The following ZNF335 variants were observed in gnomAD, a reference collection of about 807,000 sequenced individuals.
ZNF335 encodes the protein zinc finger protein 335.
ZNF335 carries 84 observed loss-of-function variants against 145.6 expected under a neutral mutation model. The ratio of observed to expected loss-of-function variants is 0.58; its 90% CI spans 0.48 to 0.69. The LOEUF (loss-of-function observed/expected upper bound fraction) is 0.69. Among genes scored for constraint, ZNF335 ranks in the 30% least tolerant of loss-of-function variants. The probability of loss-of-function intolerance (pLI) is 0.00; values close to 1 mark genes in which losing one functional copy is unlikely to be tolerated. For synonymous variants in ZNF335, 761 were observed against 717.0 expected, an observed-to-expected ratio of 1.06 and a Z score of -0.98; for missense variants, 1,865 against 1,809.7, an observed-to-expected ratio of 1.03 and a Z score of -0.55.
Position 45,949,893 on chromosome 20 carries a change from C to T in ZNF335, c.3592-16G>A. Reference sequence around the variant, plus strand: ...CGGCTTCCTCCTGCCAGGACCAAGACAGCTCTAGCCTCATTTCTCTACCCC... The same window carrying T: ...CGGCTTCCTCCTGCCAGGACCAAGATAGCTCTAGCCTCATTTCTCTACCCC... On this transcript the variant is annotated splice_polypyrimidine_tract_variant and intron_variant, in intron 23 of 27. Transcript: ENST00000322927. The T allele has an allele frequency of 6.2e-7, 1 of 1,614,156 alleles. No homozygotes were observed. Among genetic ancestry groups the T allele is most frequent in the Non-Finnish European group, 8.5e-7 (1 of 1,180,010 alleles).
chr20:45,949,825 T>C lies in ZNF335; in HGVS notation c.3644A>G (p.Gln1215Arg), dbSNP rs1256444789. Residue 1215 changes from glutamine (Q) to arginine (R), a missense_variant, in exon 24 of 28, where the codon CAG (glutamine) becomes CGG (arginine). Coordinates refer to ENST00000322927, the MANE Select transcript of ZNF335 (RefSeq NM_022095.4). ...EITTADGQTV[Q>R]HLVTSDNQVQ... ...CTGGTTGTCGGAGGTCACCAGGTGC[T>C]GTACGGTCTGGCCATCTGCCGTGGT... 6 of 1,614,012 alleles carry C rather than the reference T, an allele frequency of 3.7e-6. No individual in the cohort carries two copies. Among genetic ancestry groups the C allele is most frequent in the Non-Finnish European group, 5.1e-6 (6 of 1,180,012 alleles).
intron 21 of ZNF335, 40 bp from the exon 22 acceptor site, chr20:45,950,413 A>C (rs768839608): frequency 1.2e-5 from 19 of 1,613,206 alleles, no homozygotes; most frequent in Non-Finnish European, 1.5e-5. Context: ...GCTCCACCAT[A>C]CATGCCCAGC....
In ZNF335 at chr20:45,959,308, G is replaced by A; in HGVS notation, c.2146C>T (p.Pro716Ser). 1.9e-6 allele frequency: 3 copies of A among 1,569,654 alleles called. No individual in the cohort carries two copies. Among genetic ancestry groups the A allele is most frequent in the East Asian group, 2.4e-5 (1 of 42,088 alleles). Residue 716 changes from proline to serine, a missense_variant, in exon 15 of 28, where the codon CCC becomes TCC. Transcript: ENST00000322927. ...AAGAAGGGGCGACGGCGGGAGGGGG[G>A]CTCCTCAGGGTGGCGCCTCCCCCAT... ...EEWGRRHPEE[P>S]PSRRRPFFSL...
intron 10 of ZNF335, among the ~76,000 whole-genome samples, 174 bp from the exon 11 acceptor site, chr20:45,961,056 T>C (rs1201202055): frequency 1.3e-5 from 2 of 152,228 alleles, no homozygotes; most frequent in Non-Finnish European, 2.9e-5. Flanking sequence ...AGGGGCACGC[T>C]GTAAATAACA....
Position 45,969,695 on chromosome 20 carries a change from A to G in ZNF335, c.202-4T>C. ...AGCTGCTCTCAGATACCTCCTCCTGAGGGGCATGAAACAGGGAGGGAAAAA... is the reference window on the plus strand; with the variant it reads ...AGCTGCTCTCAGATACCTCCTCCTGGGGGGCATGAAACAGGGAGGGAAAAA... On this transcript the variant is annotated splice_region_variant and splice_polypyrimidine_tract_variant and intron_variant, in intron 2 of 27. Coordinates refer to ENST00000322927, the MANE Select transcript of ZNF335 (RefSeq NM_022095.4). 6.2e-7 allele frequency: 1 copy of G among 1,610,342 alleles called. No individual in the cohort carries two copies. Among genetic ancestry groups the G allele is most frequent in the Middle Eastern group, 1.7e-4 (1 of 6,052 alleles).
At chr20:45,962,787 G>A (rs1407548901) in intron 9 of ZNF335, among the ~76,000 whole-genome samples, 1 of 150,150 alleles carries the variant, frequency 6.7e-6, no homozygotes, top group Non-Finnish European at 1.5e-5. Context: ...TTGTGTTAAG[G>A]AGAAAAAGGA....
intron 14 of ZNF335, among the ~76,000 whole-genome samples, chr20:45,959,694 ACT>A (rs780009429): frequency 6.6e-6 from 1 of 151,880 alleles, no homozygotes; most frequent in Non-Finnish European, 1.5e-5. Context: ...TCATCACAGG[ACT>A]CTGGCTAAGG....
chr20:45,950,704 A>G, intron 20 of ZNF335, 109 bp from the exon 21 acceptor site: 3 of 1,493,966 alleles, frequency 2.0e-6, no homozygotes, highest in Non-Finnish European at 2.7e-6. Flanking sequence ...TGGACCTGGG[A>G]AAACCAAAAT....
Position 45,953,745 on chromosome 20 carries a change from A to C in ZNF335, c.2646T>G (p.Ser882Arg), listed in dbSNP as rs2083675393. ...CCTCCATAGGGGGTGCTGTGATGAC[A>C]CTGTAGCCAGTCCCACCAAATGGAC... ...APGPFGGTGY[S>R]VITAPPMEEG... Residue 882 changes from serine (S) to arginine (R), a missense_variant, in exon 18 of 28, where the codon AGT (serine) becomes AGG (arginine). Physicochemically the swap from Ser to Arg is moderately radical, Grantham distance 110. Coordinates refer to ENST00000322927, the MANE Select transcript of ZNF335 (RefSeq NM_022095.4). 6.2e-7 allele frequency: 1 copy of C among 1,613,896 alleles called. No homozygotes were observed. The highest frequency in any genetic ancestry group is 1.3e-5 in the African/African-American group (1 of 74,902).
chr20:45,948,807 A>G lies in ZNF335; in HGVS notation c.*146T>C, dbSNP rs1482337950. ...GCCCATGGCTGCCCCTAACCCCAAC[A>G]GCACAGGTCTGGCTCCCTGGGAATG... On this transcript the variant is annotated 3_prime_UTR_variant, in exon 28 of 28. Transcript: ENST00000322927. The G allele has an allele frequency of 7.4e-7, 1 of 1,345,148 alleles. No individual in the cohort carries two copies. Among genetic ancestry groups the G allele is most frequent in the Non-Finnish European group, 1.0e-6 (1 of 972,722 alleles). The allele number at this position is 1,345,148 out of a possible 1,614,324, so 83.3% of individuals were successfully genotyped here.
chr20:45,971,249 A>C lies in ZNF335; in HGVS notation c.162T>G (p.Ser54=), dbSNP rs1016474350. ...CGCGGTCCGAGCTTTGCCCCACGCC[A>C]GAGTCATCGGCCTCTGCCTGCCCCG... ...AAPGQAEADD[S]GVGQSSDRGS... is the part of the protein sequence containing the mutation. The change falls in exon 2 of 28, where the codon TCT becomes TCG. Residue 54 remains serine (S), a synonymous_variant. Coordinates refer to ENST00000322927, the MANE Select transcript of ZNF335 (RefSeq NM_022095.4). 1.9e-6 allele frequency: 3 copies of C among 1,556,954 alleles called. No individual in the cohort carries two copies. Among genetic ancestry groups the C allele is most frequent in the Non-Finnish European group, 2.6e-6 (3 of 1,155,544 alleles).
rs757109732 is a variant in ZNF335 at position 45,950,466 on chromosome 20, G to T, written c.3319C>A (p.Leu1107Ile). ...ATCTGGCCTCACCGCTGCCCGCAGAGGTGGCATGCAAAAGGCTTCTCCTTT... is the reference window on the plus strand; with the variant it reads ...ATCTGGCCTCACCGCTGCCCGCAGATGTGGCATGCAAAAGGCTTCTCCTTT... ...HTKEKPFACH[L>I]CGQRFNRNGH... The change falls in exon 21 of 28, where the codon CTC becomes ATC. Residue 1107 changes from leucine to isoleucine, a missense_variant. Leu to Ile is a conservative substitution (Grantham distance 5). Coordinates refer to ENST00000322927, the MANE Select transcript of ZNF335 (RefSeq NM_022095.4). 2.5e-6 allele frequency: 4 copies of T among 1,614,218 alleles called. No homozygotes were observed. The highest frequency in any genetic ancestry group is 3.4e-6 in the Non-Finnish European group (4 of 1,180,038).
rs753406208 is a variant in ZNF335, at chr20:45,949,950, C to A, written c.3591+16G>T. 2.5e-6 allele frequency: 4 copies of A among 1,614,036 alleles called. No individual in the cohort carries two copies. The highest frequency in any genetic ancestry group is 1.1e-5 in the South Asian group (1 of 91,090). On this transcript the variant is annotated intron_variant, in intron 23 of 27. Coordinates refer to ENST00000322927, the MANE Select transcript of ZNF335 (RefSeq NM_022095.4). ...TGCCTGTCGCTGGCCAGAGGGCCCC[C>A]AGTCCTGACTCTTACCTGATTGGTC... is the stretch of plus-strand genomic sequence containing the variant.
chr20:45,969,087 G>A (rs1241299519), intron 3 of ZNF335, among the ~76,000 whole-genome samples: 1 of 152,186 alleles, frequency 6.6e-6, no homozygotes, highest in Non-Finnish European at 1.5e-5. Context: ...GGTAAGTTAT[G>A]TATGTCCTTG....
In ZNF335 at chr20:45,971,258, G is replaced by C; in HGVS notation, c.153C>G (p.Ala51=). The change falls in exon 2 of 28, where the codon GCC becomes GCG. Residue 51 remains alanine (A), a synonymous_variant. Transcript: ENST00000322927. ...AGCTTTGCCCCACGCCAGAGTCATC[G>C]GCCTCTGCCTGCCCCGGGGCGGCCG... is the stretch of plus-strand genomic sequence containing the variant. The part of the protein sequence containing the change: ...DAAAAPGQAE[A]DDSGVGQSSD... The C allele has an allele frequency of 6.4e-6, 10 of 1,562,062 alleles. No individual in the cohort carries two copies. The highest frequency in any genetic ancestry group is 8.6e-6 in the Non-Finnish European group (10 of 1,158,696).
intron 14 of ZNF335, 45 bp from the exon 15 acceptor site, chr20:45,959,478 C>G (rs149745374): frequency 2.3e-6 from 3 of 1,331,060 alleles, no homozygotes; most frequent in Non-Finnish European, 2.0e-6. Context: ...CCGTCCCTAG[C>G]CTACCCCCTC....
chr20:45,963,300 T>G (rs530433024), intron 9 of ZNF335, among the ~76,000 whole-genome samples, 173 bp downstream of exon 9: 2 of 152,250 alleles, frequency 1.3e-5, no homozygotes, highest in East Asian at 3.9e-4. Context: ...CCGCAAGCTC[T>G]GAGGAGCTGA....
At chr20:45,951,776 T>C (rs894156765) in intron 20 of ZNF335, among the ~76,000 whole-genome samples, 1 of 152,200 alleles carries the variant, frequency 6.6e-6, no homozygotes, top group Non-Finnish European at 1.5e-5. Flanking sequence ...ACCCCTGTTC[T>C]AGACGTTCGA....
rs2083576175 is a variant in ZNF335, at chr20:45,949,023, A to G, written c.3959T>C (p.Val1320Ala). Residue 1320 changes from valine to alanine, a missense_variant, in exon 28 of 28, where the codon GTG (valine) becomes GCG (alanine). By Grantham distance (64) the Val-to-Ala change is moderately conservative. Coordinates refer to ENST00000322927, the MANE Select transcript of ZNF335 (RefSeq NM_022095.4). ...AQGLFGTDET[V>A]PEHIQQLQHQ... The stretch of plus-strand genomic sequence containing the variant: ...CTGCAGCTGTTGAATGTGTTCGGGC[A>G]CTGTCTCGTCTGTACCAAACAGGCC... 1.2e-6 allele frequency: 2 copies of G among 1,613,888 alleles called. No individual in the cohort carries two copies. Among genetic ancestry groups the G allele is most frequent in the Non-Finnish European group, 1.7e-6 (2 of 1,180,018 alleles).
Sources: gnomAD v4.1 joint callset for allele counts (sites outside exome capture counted in the v4.1 genomes callset) on GRCh38, gnomAD v4.1.1 for gene constraint, MANE v1.5 for transcripts, NCBI Gene and HGNC (gene_info 2026-07-23, HGNC 2026-07-21) for gene names.